The following H2BC8 variants were observed in gnomAD, a reference collection of about 807,000 sequenced individuals.
The protein encoded by H2BC8 is H2B clustered histone 8, also known as histone H2B type 1-C/E/F/G/I.
In H2BC8, 11 loss-of-function variants were observed where a neutral mutation model predicts 6.3. That is an observed-to-expected ratio of 1.75 (90% CI 1.10 to 2.89). H2BC8 has a LOEUF of 2.89. H2BC8 is among the 30% of genes most tolerant of loss of function. H2BC8 has a pLI of 0.00. For missense variants in H2BC8, 195 were observed against 165.2 expected (o/e 1.18, Z -0.99); for synonymous variants, 150 against 65.8 (o/e 2.28, Z -6.19).
Position 26,216,486 on chromosome 6 carries a change from G to A in H2BC8, c.158C>T (p.Thr53Ile), listed in dbSNP as rs1398238015. Residue 53 changes from threonine to isoleucine, a missense_variant, in exon 1 of 1, where the codon ACT becomes ATT. Transcript: ENST00000541790. ...YKVLKQVHPD[T>I]GISSKAMGIM... ...GCCCATGGCCTTGGATGAGATGCCA[G>A]TATCGGGGTGAACCTGTTTTAGCAC... is the stretch of plus-strand genomic sequence containing the variant. 1.2e-6 allele frequency: 2 copies of A among 1,614,250 alleles called. No individual in the cohort carries two copies. The highest frequency in any genetic ancestry group is 1.1e-5 in the South Asian group (1 of 91,088).
Position 26,216,454 on chromosome 6 carries a change from T to C in H2BC8, c.190A>G (p.Asn64Asp). 1 of 1,614,244 alleles carries C rather than the reference T, an allele frequency of 6.2e-7. No homozygotes were observed. The highest frequency in any genetic ancestry group is 8.5e-7 in the Non-Finnish European group (1 of 1,180,046). ...GISSKAMGIM[N>D]SFVNDIFERI... ...TCGAAGATGTCGTTAACGAAGGAAT[T>C]CATGATGCCCATGGCCTTGGATGAG... is the stretch of plus-strand genomic sequence containing the variant. Residue 64 changes from asparagine (N) to aspartate (D), a missense_variant, in exon 1 of 1, where the codon AAT (asparagine) becomes GAT (aspartate). By Grantham distance (23) the Asn-to-Asp change is conservative. Transcript: ENST00000541790.
rs749610657 is a variant in H2BC8, at chr6:26,216,479, G to A, written c.165C>T (p.Ile55=). ...VLKQVHPDTG[I]SSKAMGIMNS... Reference sequence around the variant, plus strand: ...TCATGATGCCCATGGCCTTGGATGAGATGCCAGTATCGGGGTGAACCTGTT... The same window carrying A: ...TCATGATGCCCATGGCCTTGGATGAAATGCCAGTATCGGGGTGAACCTGTT... The change falls in exon 1 of 1, where the codon ATC becomes ATT. Residue 55 remains isoleucine, a synonymous_variant. Coordinates refer to ENST00000541790, the MANE Select transcript of H2BC8 (RefSeq NM_003518.4). 1.8e-5 allele frequency: 29 copies of A among 1,614,134 alleles called. No individual in the cohort carries two copies. Among genetic ancestry groups the A allele is most frequent in the Non-Finnish European group, 2.3e-5 (27 of 1,180,056 alleles).
In H2BC8 at chr6:26,216,560, C is replaced by T. The variant is rs775468179; in HGVS notation, c.84G>A (p.Lys28=). ...TCTCCTTACGACTGCGCTTGCGCTT[C>T]TTGCCATCCTTCTTCTGCGCCTTGG... The part of the protein sequence containing the change: ...AVTKAQKKDG[K]KRKRSRKESY... Residue 28 remains lysine (K), a synonymous_variant, in exon 1 of 1, where the codon AAG becomes AAA. Coordinates refer to ENST00000541790, the MANE Select transcript of H2BC8 (RefSeq NM_003518.4). The T allele has an allele frequency of 1.9e-6, 3 of 1,614,128 alleles. No individual in the cohort carries two copies. Among genetic ancestry groups the T allele is most frequent in the Admixed American group, 3.3e-5 (2 of 60,010 alleles).
At position 26,216,517 on chromosome 6, in the gene H2BC8, A is replaced by G; in HGVS notation, c.127T>C (p.Tyr43His). ...SRKESYSVYV[Y>H]KVLKQVHPDT... is the part of the protein sequence containing the mutation. Reference sequence around the variant, plus strand: ...GGGTGAACCTGTTTTAGCACCTTGTACACATACACGGAGTAGCTCTCCTTA... The same window carrying G: ...GGGTGAACCTGTTTTAGCACCTTGTGCACATACACGGAGTAGCTCTCCTTA... The change falls in exon 1 of 1, where the codon TAC (tyrosine) becomes CAC (histidine). Residue 43 changes from tyrosine (Y) to histidine (H), a missense_variant. Coordinates refer to ENST00000541790, the MANE Select transcript of H2BC8 (RefSeq NM_003518.4). The G allele has an allele frequency of 6.2e-7, 1 of 1,614,228 alleles. No individual in the cohort carries two copies. Among genetic ancestry groups the G allele is most frequent in the Non-Finnish European group, 8.5e-7 (1 of 1,180,038 alleles).
chr6:26,216,413 C>T lies in H2BC8; in HGVS notation c.231G>A (p.Glu77=). 3.1e-6 allele frequency: 5 copies of T among 1,614,204 alleles called. No individual in the cohort carries two copies. Among genetic ancestry groups the T allele is most frequent in the Non-Finnish European group, 4.2e-6 (5 of 1,180,044 alleles). Residue 77 remains glutamate (E), a synonymous_variant, in exon 1 of 1, where the codon GAG becomes GAA. Coordinates refer to ENST00000541790, the MANE Select transcript of H2BC8 (RefSeq NM_003518.4). ...VNDIFERIAG[E]ASRLAHYNKR... ...TGTTGTAGTGGGCCAGACGGGAAGC[C>T]TCGCCTGCGATGCGTTCGAAGATGT...
chr6:26,216,372 G>T lies in H2BC8; in HGVS notation c.272C>A (p.Thr91Asn). The T allele has an allele frequency of 6.2e-7, 1 of 1,614,190 alleles. No homozygotes were observed. The highest frequency in any genetic ancestry group is 8.5e-7 in the Non-Finnish European group (1 of 1,180,026). ...CACGGCGGTCTGGATCTCCCTGGAG[G>T]TAATGGTCGAGCGCTTGTTGTAGTG... is the stretch of plus-strand genomic sequence containing the variant. ...LAHYNKRSTI[T>N]SREIQTAVRL... Residue 91 changes from threonine (T) to asparagine (N), a missense_variant, in exon 1 of 1, where the codon ACC becomes AAC. Thr to Asn is a moderately conservative substitution (Grantham distance 65). Transcript: ENST00000541790.
chr6:26,216,288 A>T lies in H2BC8; in HGVS notation c.356T>A (p.Val119Asp). 1.2e-6 allele frequency: 2 copies of T among 1,609,820 alleles called. No individual in the cohort carries two copies. The highest frequency in any genetic ancestry group is 8.5e-7 in the Non-Finnish European group (1 of 1,177,600). ...KHAVSEGTKA[V>D]TKYTSSK ...TTACTTGGAGCTTGTATACTTGGTGACAGCCTTGGTACCTTCGGACACTGC... is the reference window on the plus strand; with the variant it reads ...TTACTTGGAGCTTGTATACTTGGTGTCAGCCTTGGTACCTTCGGACACTGC... Residue 119 changes from valine (V) to aspartate (D), a missense_variant, in exon 1 of 1, where the codon GTC becomes GAC. Coordinates refer to ENST00000541790, the MANE Select transcript of H2BC8 (RefSeq NM_003518.4).
rs186981469 is a variant in H2BC8 at position 26,216,305 on chromosome 6, G to C, written c.339C>G (p.Ser113=). Reference sequence around the variant, plus strand: ...ACTTGGTGACAGCCTTGGTACCTTCGGACACTGCGTGCTTGGCCAGCTCTC... The same window carrying C: ...ACTTGGTGACAGCCTTGGTACCTTCCGACACTGCGTGCTTGGCCAGCTCTC... ...LPGELAKHAV[S]EGTKAVTKYT... Residue 113 remains serine, a synonymous_variant, in exon 1 of 1, where the codon TCC becomes TCG. Transcript: ENST00000541790. The C allele has an allele frequency of 6.2e-7, 1 of 1,613,094 alleles. No homozygotes were observed. The highest frequency in any genetic ancestry group is 1.1e-5 in the South Asian group (1 of 90,990).
Position 26,216,434 on chromosome 6 carries a change from G to A in H2BC8, c.210C>T (p.Ile70=), listed in dbSNP as rs374281578. ...AAGCCTCGCCTGCGATGCGTTCGAA[G>A]ATGTCGTTAACGAAGGAATTCATGA... The part of the protein sequence containing the change: ...MGIMNSFVND[I]FERIAGEASR... Residue 70 remains isoleucine, a synonymous_variant, in exon 1 of 1, where the codon ATC becomes ATT. Coordinates refer to ENST00000541790, the MANE Select transcript of H2BC8 (RefSeq NM_003518.4). 9 of 1,614,116 alleles carry A rather than the reference G, an allele frequency of 5.6e-6. No homozygotes were observed. In the East Asian group the frequency reaches 1.1e-4, roughly 20 times the overall value.
Position 26,216,392 on chromosome 6 carries a change from G to C in H2BC8, c.252C>G (p.Tyr84Ter), listed in dbSNP as rs369376110. Residue 84 changes from tyrosine (Y) to a stop codon, truncating the protein, a stop_gained, in exon 1 of 1, where the codon TAC becomes TAG. Coordinates refer to ENST00000541790, the MANE Select transcript of H2BC8 (RefSeq NM_003518.4). LOFTEE classifies it high-confidence loss of function. ...TGGAGGTAATGGTCGAGCGCTTGTT[G>C]TAGTGGGCCAGACGGGAAGCCTCGC... is the stretch of plus-strand genomic sequence containing the variant. The part of the protein sequence containing the change: ...IAGEASRLAH[Y>*]NKRSTITSRE... The C allele has an allele frequency of 6.2e-7, 1 of 1,614,222 alleles. No individual in the cohort carries two copies. Among genetic ancestry groups the C allele is most frequent in the Admixed American group, 1.7e-5 (1 of 60,024 alleles).
chr6:26,216,591 G>C lies in H2BC8; in HGVS notation c.53C>G (p.Ala18Gly). 6.2e-7 allele frequency: 1 copy of C among 1,614,200 alleles called. No homozygotes were observed. The highest frequency in any genetic ancestry group is 8.5e-7 in the Non-Finnish European group (1 of 1,180,028). The change falls in exon 1 of 1, where the codon GCT becomes GGT. Residue 18 changes from alanine (A) to glycine (G), a missense_variant. Ala to Gly is a moderately conservative substitution (Grantham distance 60, BLOSUM62 0). Coordinates refer to ENST00000541790, the MANE Select transcript of H2BC8 (RefSeq NM_003518.4). The stretch of plus-strand genomic sequence containing the variant: ...ATCCTTCTTCTGCGCCTTGGTCACA[G>C]CCTTCTTGGAACCCTTCTTCGGAGC... ...APAPKKGSKK[A>G]VTKAQKKDGK...
rs1445923920 is a variant in H2BC8 at position 26,216,422 on chromosome 6, G to GT, written c.221_222insA (p.Ala75ArgfsTer74). On this transcript the variant is annotated frameshift_variant, in exon 1 of 1. Transcript: ENST00000541790. LOFTEE classifies it high-confidence loss of function. ...GGGCCAGACGGGAAGCCTCGCCTGC[G>GT]ATGCGTTCGAAGATGTCGTTAACGA... The GT allele has an allele frequency of 6.2e-7, 1 of 1,614,090 alleles. No homozygotes were observed. Among genetic ancestry groups the GT allele is most frequent in the Admixed American group, 1.7e-5 (1 of 59,994 alleles).
In H2BC8 at chr6:26,216,211, C is replaced by T; in HGVS notation, c.*52G>A. ...CAATATTAAAGCTCTTTATGTGAGA[C>T]TTGAGTGGCTCTGAAAAGAGCCTTT... On this transcript the variant is annotated 3_prime_UTR_variant, in exon 1 of 1. Transcript: ENST00000541790. The T allele has an allele frequency of 6.6e-7, 1 of 1,516,320 alleles. No individual in the cohort carries two copies. The allele number at this position is 1,516,320 out of a possible 1,614,324, so 93.9% of individuals were successfully genotyped here.
Position 26,216,418 on chromosome 6 carries a change from C to A in H2BC8, c.226G>T (p.Gly76Cys). The A allele has an allele frequency of 6.2e-7, 1 of 1,614,216 alleles. No individual in the cohort carries two copies. The highest frequency in any genetic ancestry group is 8.5e-7 in the Non-Finnish European group (1 of 1,180,042). ...TAGTGGGCCAGACGGGAAGCCTCGC[C>A]TGCGATGCGTTCGAAGATGTCGTTA... The part of the protein sequence containing the change: ...FVNDIFERIA[G>C]EASRLAHYNK... The change falls in exon 1 of 1, where the codon GGC becomes TGC. Residue 76 changes from glycine (G) to cysteine (C), a missense_variant. By Grantham distance (159) the Gly-to-Cys change is radical (BLOSUM62 -3). Coordinates refer to ENST00000541790, the MANE Select transcript of H2BC8 (RefSeq NM_003518.4).
In H2BC8 at chr6:26,216,558, T is replaced by G. The variant is rs1765408720; in HGVS notation, c.86A>C (p.Lys29Thr). 3.7e-6 allele frequency: 6 copies of G among 1,614,132 alleles called. No individual in the cohort carries two copies. The highest frequency in any genetic ancestry group is 4.2e-6 in the Non-Finnish European group (5 of 1,180,050). The change falls in exon 1 of 1, where the codon AAG (lysine) becomes ACG (threonine). Residue 29 changes from lysine to threonine, a missense_variant. Coordinates refer to ENST00000541790, the MANE Select transcript of H2BC8 (RefSeq NM_003518.4). ...VTKAQKKDGK[K>T]RKRSRKESYS... ...GCTCTCCTTACGACTGCGCTTGCGC[T>G]TCTTGCCATCCTTCTTCTGCGCCTT...
At position 26,216,284 on chromosome 6, in the gene H2BC8, G is replaced by A. The variant is rs773561876; in HGVS notation, c.360C>T (p.Thr120=). Residue 120 remains threonine (T), a synonymous_variant, in exon 1 of 1, where the codon ACC becomes ACT. Coordinates refer to ENST00000541790, the MANE Select transcript of H2BC8 (RefSeq NM_003518.4). ...ACATTTACTTGGAGCTTGTATACTT[G>A]GTGACAGCCTTGGTACCTTCGGACA... ...HAVSEGTKAV[T]KYTSSK 1.8e-5 allele frequency: 29 copies of A among 1,609,064 alleles called. No homozygotes were observed. The highest frequency in any genetic ancestry group is 5.0e-5 in the Admixed American group (3 of 59,524).
At position 26,216,256 on chromosome 6, in the gene H2BC8, C is replaced by T. The variant is rs746456357; in HGVS notation, c.*7G>A. ...GCCTTTGAGTTTTAAAGCACCTAAG[C>T]ACACATTTACTTGGAGCTTGTATAC... On this transcript the variant is annotated 3_prime_UTR_variant, in exon 1 of 1. Transcript: ENST00000541790. 1.3e-6 allele frequency: 2 copies of T among 1,589,084 alleles called. No individual in the cohort carries two copies. The highest frequency in any genetic ancestry group is 2.2e-5 in the East Asian group (1 of 44,686).
At position 26,216,461 on chromosome 6, in the gene H2BC8, G is replaced by A. The variant is rs1476571417; in HGVS notation, c.183C>T (p.Gly61=). ...TGTCGTTAACGAAGGAATTCATGAT[G>A]CCCATGGCCTTGGATGAGATGCCAG... ...PDTGISSKAM[G]IMNSFVNDIF... Residue 61 remains glycine, a synonymous_variant, in exon 1 of 1, where the codon GGC becomes GGT. Coordinates refer to ENST00000541790, the MANE Select transcript of H2BC8 (RefSeq NM_003518.4). The A allele has an allele frequency of 3.1e-6, 5 of 1,614,106 alleles. No homozygotes were observed. The highest frequency in any genetic ancestry group is 1.6e-4 in the Middle Eastern group (1 of 6,084).
At position 26,216,565 on chromosome 6, in the gene H2BC8, C is replaced by T. The variant is rs1716724779; in HGVS notation, c.79G>A (p.Gly27Ser). 4 of 1,614,104 alleles carry T rather than the reference C, an allele frequency of 2.5e-6. No homozygotes were observed. Among genetic ancestry groups the T allele is most frequent in the South Asian group, 1.1e-5 (1 of 91,090 alleles). ...KAVTKAQKKDGKKRKRSRKES... is the reference protein window; with the variant it reads ...KAVTKAQKKDSKKRKRSRKES... ...TTACGACTGCGCTTGCGCTTCTTGC[C>T]ATCCTTCTTCTGCGCCTTGGTCACA... The change falls in exon 1 of 1, where the codon GGC becomes AGC. Residue 27 changes from glycine (G) to serine (S), a missense_variant. Physicochemically the swap from Gly to Ser is moderately conservative, Grantham distance 56. Coordinates refer to ENST00000541790, the MANE Select transcript of H2BC8 (RefSeq NM_003518.4).
Sources: gnomAD v4.1 joint callset for allele counts on GRCh38, gnomAD v4.1.1 for gene constraint, MANE v1.5 for transcripts, NCBI Gene and HGNC (gene_info 2026-07-23, HGNC 2026-07-21) for gene names.